The following PARD3B variants were observed in gnomAD, a reference collection of about 807,000 sequenced individuals.
PARD3B encodes the protein partitioning defective 3 homolog B.
Under a neutral mutation model 130.2 loss-of-function variants are expected in PARD3B, and 103 were observed. That is an observed-to-expected ratio of 0.79 (90% CI 0.67 to 0.93). The LOEUF (loss-of-function observed/expected upper bound fraction) is 0.93. Among genes scored for constraint, PARD3B ranks in the 40% least tolerant of loss-of-function variants. The pLI is 0.00. For synonymous variants in PARD3B, 583 were observed against 553.2 expected (o/e 1.05, Z -0.76); for missense variants, 1,609 against 1,499.2 (o/e 1.07, Z -1.21).
intron 2 of PARD3B, among the ~76,000 whole-genome samples, chr2:204,921,057 G>A (rs933590278): frequency 2.6e-5 from 4 of 152,166 alleles, no homozygotes; most frequent in Admixed American, 2.6e-4. Flanking sequence ...ATGTGGTCAG[G>A]CAGATGTGCA....
At chr2:204,914,480 A>T (rs1375554850) in intron 2 of PARD3B, among the ~76,000 whole-genome samples, 1 of 152,174 alleles carries the variant, frequency 6.6e-6, no homozygotes, top group East Asian at 1.9e-4. Context: ...GAATGGAAGG[A>T]GGGAAGAAAA....
At chr2:204,900,765 G>T (rs1178216645) in intron 2 of PARD3B, among the ~76,000 whole-genome samples, 1 of 152,112 alleles carries the variant, frequency 6.6e-6, no homozygotes, top group Non-Finnish European at 1.5e-5. Flanking sequence ...CCCTTCTTCA[G>T]AAGGCTTTCC....
chr2:204,658,243 A>G (rs1472234261), intron 1 of PARD3B, among the ~76,000 whole-genome samples: 5 of 152,290 alleles, frequency 3.3e-5, no homozygotes, highest in African/African-American at 1.2e-4. Context: ...AAGTCAAACT[A>G]TTGCCCAAGG....
intron 4 of PARD3B, among the ~76,000 whole-genome samples, chr2:205,097,931 T>C (rs1258275242): frequency 2.6e-5 from 4 of 151,978 alleles, no homozygotes; most frequent in Non-Finnish European, 5.9e-5. Flanking sequence ...AACTGAGAGA[T>C]TTCCAATGGC....
chr2:204,828,758 A>G (rs951047241), intron 2 of PARD3B, among the ~76,000 whole-genome samples: 3 of 152,238 alleles, frequency 2.0e-5, no homozygotes, highest in Non-Finnish European at 4.4e-5. Context: ...TCTTTTGCAT[A>G]GTATGACCAA....
intron 1 of PARD3B, among the ~76,000 whole-genome samples, chr2:204,596,286 C>T (rs1005579648): frequency 2.6e-5 from 4 of 152,148 alleles, no homozygotes; most frequent in African/African-American, 9.7e-5. Flanking sequence ...TCATCCAGCT[C>T]TTCAAATCAT....
chr2:205,338,644 C>T (rs529296926), intron 18 of PARD3B, among the ~76,000 whole-genome samples: 3 of 152,234 alleles, frequency 2.0e-5, no homozygotes, highest in Non-Finnish European at 4.4e-5. Flanking sequence ...GCTTAATTCA[C>T]AAGAATTCTG....
intron 22 of PARD3B, among the ~76,000 whole-genome samples, chr2:205,602,118 C>A (rs555071206): frequency 2.6e-5 from 4 of 152,292 alleles, no homozygotes; most frequent in Admixed American, 2.6e-4. Flanking sequence ...GCCTTTTCTG[C>A]ATCTATTGAG....
Position 205,357,804 on chromosome 2 carries a change from G to A in PARD3B, c.2631-43209G>A, listed in dbSNP as rs1047361646. On this transcript the variant is annotated intron_variant, in intron 18 of 22. Transcript: ENST00000406610. ...GGCTTAATGTTTCTCTTTTGCCAAAGATGTTAGAAAGTACTCAATAACATT... is the reference window on the plus strand; with the variant it reads ...GGCTTAATGTTTCTCTTTTGCCAAAAATGTTAGAAAGTACTCAATAACATT... Among the ~76,000 whole-genome samples, 5 of 152,204 alleles carry A rather than the reference G, an allele frequency of 3.3e-5. No individual in the cohort carries two copies. In the East Asian group the frequency reaches 9.6e-4, roughly 29 times the overall value.
At chr2:205,598,841 T>C (rs1401118032) in intron 22 of PARD3B, among the ~76,000 whole-genome samples, 1 of 152,078 alleles carries the variant, frequency 6.6e-6, no homozygotes. Context: ...TACATGGAAA[T>C]TAAACAACTT....
intron 2 of PARD3B, among the ~76,000 whole-genome samples, chr2:204,939,443 T>C (rs148442007): frequency 2.5e-4 from 38 of 152,338 alleles, no homozygotes; most frequent in Non-Finnish European, 4.0e-4. Flanking sequence ...AGGCAAGTGG[T>C]AGAATTTAGG....
At chr2:204,876,540 C>A (rs910155609) in intron 2 of PARD3B, among the ~76,000 whole-genome samples, 1 of 152,192 alleles carries the variant, frequency 6.6e-6, no homozygotes, top group Non-Finnish European at 1.5e-5. Context: ...CTAGGCCTAA[C>A]AAGTAAGATG....
chr2:204,998,399 T>TAAAGAATTAGAGAAGAAATGAA (rs1559341725), intron 3 of PARD3B, among the ~76,000 whole-genome samples: 3 of 73,438 alleles, frequency 4.1e-5, no homozygotes, highest in Non-Finnish European at 5.5e-5. Flanking sequence ...TATATATGTA[T>TAAAGAATTAGAGAAGAAATGAA]ATATGTGTAT....
intron 2 of PARD3B, among the ~76,000 whole-genome samples, chr2:204,914,338 C>T (rs1471705504): frequency 6.6e-6 from 1 of 152,080 alleles, no homozygotes; most frequent in Non-Finnish European, 1.5e-5. Flanking sequence ...TTTAGCTGAA[C>T]TAAAGAGAAA....
At chr2:205,304,052 C>T (rs2042103623) in intron 18 of PARD3B, among the ~76,000 whole-genome samples, 1 of 152,134 alleles carries the variant, frequency 6.6e-6, no homozygotes, top group Non-Finnish European at 1.5e-5. Context: ...TATTTATTAC[C>T]AATTGTTCTC....
intron 16 of PARD3B, among the ~76,000 whole-genome samples, chr2:205,278,976 C>T (rs143320555): frequency 0.022 from 2,970 of 135,812 alleles, 87 homozygotes; most frequent in African/African-American, 0.075. Context: ...GAGGCTGAGG[C>T]GAAAGAATTG....
chr2:204,563,217 GTCTCTCTCTCTCTCTCTCTCTC>G (rs35536964), intron 1 of PARD3B, among the ~76,000 whole-genome samples: 5 of 86,636 alleles, frequency 5.8e-5, no homozygotes, highest in South Asian at 9.9e-4. Context: ...TCTTCCCGCT[GTCTCTCTCTCTCTCTCTCTCTC>G]TCTCTCTCTC....
intron 1 of PARD3B, among the ~76,000 whole-genome samples, chr2:204,584,228 G>A (rs1266291490): frequency 6.6e-6 from 1 of 152,156 alleles, no homozygotes; most frequent in Non-Finnish European, 1.5e-5. Flanking sequence ...GGGCAATAGG[G>A]CCAGACCTTG....
At chr2:204,991,747 T>C (rs1419639396) in intron 3 of PARD3B, among the ~76,000 whole-genome samples, 2 of 151,920 alleles carry the variant, frequency 1.3e-5, no homozygotes, top group Non-Finnish European at 2.9e-5. Context: ...TGTGGTTTCC[T>C]GACTTTTTAA....
Sources: allele counts gnomAD v4.1 joint callset (sites outside exome capture counted in the v4.1 genomes callset), GRCh38; gene constraint gnomAD v4.1.1; transcripts MANE v1.5; gene names NCBI Gene and HGNC (gene_info 2026-07-23, HGNC 2026-07-21).